The following SLC14A2 variants were observed in gnomAD, a reference collection of about 807,000 sequenced individuals.
SLC14A2 encodes the protein solute carrier family 14 member 2.
SLC14A2 carries 91 observed loss-of-function variants against 104.6 expected under a neutral mutation model. The ratio of observed to expected loss-of-function variants is 0.87; its 90% CI spans 0.73 to 1.04. SLC14A2 has a LOEUF of 1.04. Among genes scored for constraint, SLC14A2 ranks in the 50% least tolerant of loss-of-function variants. The pLI is 0.00. For synonymous variants in SLC14A2, 476 were observed against 466.4 expected (o/e 1.02, Z -0.27); for missense variants, 1,189 against 1,156.0 (o/e 1.03, Z -0.41).
the SLC14A2 span, chr18:45,168,512 AGAGT>A: frequency 6.6e-6 from 1 of 152,230 alleles, no homozygotes; most frequent in Non-Finnish European, 1.5e-5. Flanking sequence ...ACCACAAAAA[AGAGT>A]GAGAATAGGA....
intron 18 of SLC14A2, among the ~76,000 whole-genome samples, chr18:45,678,684 T>C (rs1172268101): frequency 2.0e-5 from 3 of 152,252 alleles, no homozygotes; most frequent in Non-Finnish European, 2.9e-5. Context: ...TGGTTTATGC[T>C]GTTAAATGTT....
intron 1 of SLC14A2, among the ~76,000 whole-genome samples, chr18:45,414,577 G>T (rs551261376): frequency 4.0e-4 from 60 of 150,452 alleles, no homozygotes; most frequent in Non-Finnish European, 6.5e-4. Context: ...TGAACATTCT[G>T]CACATGTAAT....
chr18:45,480,422 G>T (rs533446982), intron 1 of SLC14A2, among the ~76,000 whole-genome samples: 155 of 152,254 alleles, frequency 1.0e-3, no homozygotes, highest in African/African-American at 3.6e-3. Flanking sequence ...ACCTGCCCGT[G>T]CCTGTCTCCA....
chr18:45,640,152 C>T (rs965525514), intron 7 of SLC14A2, among the ~76,000 whole-genome samples: 1 of 151,872 alleles, frequency 6.6e-6, no homozygotes, highest in African/African-American at 2.4e-5. Context: ...GGTGGGCACC[C>T]ATAATCCCAG....
chr18:45,530,844 C>G (rs566893197), intron 2 of SLC14A2, among the ~76,000 whole-genome samples: 95 of 152,062 alleles, frequency 6.2e-4, no homozygotes, highest in Middle Eastern at 3.4e-3. Flanking sequence ...TGCTATCCCT[C>G]CCCACTCCCC....
intron 1 of SLC14A2, among the ~76,000 whole-genome samples, chr18:45,252,199 A>G (rs796830401): frequency 3.3e-5 from 5 of 152,288 alleles, no homozygotes; most frequent in African/African-American, 9.6e-5. Context: ...CCATAGACTT[A>G]TTTTCTTCAT....
the SLC14A2 span, among the ~76,000 whole-genome samples, chr18:45,175,046 G>A: frequency 2.6e-5 from 4 of 152,206 alleles, no homozygotes; most frequent in East Asian, 1.9e-4. Context: ...GTACAACCCC[G>A]ATGAAGGGCA....
chr18:45,444,779 A>G (rs946206957), intron 1 of SLC14A2, among the ~76,000 whole-genome samples: 14 of 152,220 alleles, frequency 9.2e-5, no homozygotes, highest in Non-Finnish European at 1.9e-4. Context: ...GTAGGTGTGC[A>G]TCGACAGCTC....
chr18:45,675,473 C>T (rs1025704352), intron 18 of SLC14A2, among the ~76,000 whole-genome samples: 4 of 151,930 alleles, frequency 2.6e-5, no homozygotes, highest in Non-Finnish European at 5.9e-5. Context: ...AATGGGAAAG[C>T]AGTCTATAAC....
At chr18:45,613,396 G>A (rs1198482089), upstream of SLC14A2, among the ~76,000 whole-genome samples, 1 of 152,204 alleles carries the variant, frequency 6.6e-6, no homozygotes, top group African/African-American at 2.4e-5. Context: ...GTGCTATAAA[G>A]ATACTTGAAA....
chr18:45,276,540 A>T (rs756286909), intron 1 of SLC14A2, among the ~76,000 whole-genome samples: 3 of 152,232 alleles, frequency 2.0e-5, no homozygotes, highest in Non-Finnish European at 4.4e-5. Flanking sequence ...TGTGTTCAGG[A>T]ACATCATTGA....
intron 1 of SLC14A2, among the ~76,000 whole-genome samples, chr18:45,388,548 C>T (rs948756553): frequency 6.6e-6 from 1 of 152,056 alleles, no homozygotes; most frequent in African/African-American, 2.4e-5. Context: ...TTCGTCTGTT[C>T]TCTTCAGTGC....
chr18:45,209,793 T>C (rs1466026155), upstream of SLC14A2, among the ~76,000 whole-genome samples: 1 of 152,220 alleles, frequency 6.6e-6, no homozygotes, highest in East Asian at 1.9e-4. Flanking sequence ...GTATAGCTGA[T>C]GGACATGCTC....
the SLC14A2 span, among the ~76,000 whole-genome samples, chr18:45,176,082 C>T: frequency 2.0e-5 from 3 of 152,214 alleles, no homozygotes; most frequent in Admixed American, 2.0e-4. Context: ...CAAGGAGGCT[C>T]TACTGAGGTC....
intron 1 of SLC14A2, among the ~76,000 whole-genome samples, chr18:45,321,431 C>T (rs2085184178): frequency 6.6e-6 from 1 of 152,208 alleles, no homozygotes; most frequent in Admixed American, 6.5e-5. Flanking sequence ...TTCACCCATG[C>T]ATCCCAGTTC....
At chr18:45,404,431 C>T (rs1313582561) in intron 1 of SLC14A2, among the ~76,000 whole-genome samples, 1 of 152,238 alleles carries the variant, frequency 6.6e-6, no homozygotes, top group Non-Finnish European at 1.5e-5. Flanking sequence ...GACTTCCCCC[C>T]TTTCCTTCCT....
chr18:45,598,152 TC>T (rs1455848527), intron 2 of SLC14A2, among the ~76,000 whole-genome samples: 1 of 152,164 alleles, frequency 6.6e-6, no homozygotes, highest in African/African-American at 2.4e-5. Context: ...CAATACCTCC[TC>T]AAGGGCCTTC....
intron 1 of SLC14A2, among the ~76,000 whole-genome samples, chr18:45,466,975 A>G (rs886755184): frequency 9.9e-5 from 15 of 152,008 alleles, no homozygotes; most frequent in African/African-American, 3.6e-4. Flanking sequence ...TGTGTATTTT[A>G]TTTCTTATCT....
chr18:45,374,999 G>A (rs1159824466), intron 1 of SLC14A2, among the ~76,000 whole-genome samples: 1 of 152,136 alleles, frequency 6.6e-6, no homozygotes, highest in South Asian at 2.1e-4. Flanking sequence ...ATTTATAAAG[G>A]TAATACTAAA....
Sources: allele counts gnomAD v4.1 joint callset (sites outside exome capture counted in the v4.1 genomes callset), GRCh38; gene constraint gnomAD v4.1.1; transcripts MANE v1.5; gene names NCBI Gene and HGNC (gene_info 2026-07-23, HGNC 2026-07-21).